TRIO: variants seen among roughly 807,000 people sequenced by gnomAD.
TRIO encodes the protein triple functional domain protein.
A neutral mutation model predicts 351.9 loss-of-function variants in TRIO; 58 were observed. The ratio of observed to expected loss-of-function variants is 0.16; its 90% CI spans 0.13 to 0.21. The LOEUF is 0.21. TRIO is among the 10% of genes least tolerant of loss of function. The pLI, the probability that TRIO is intolerant of heterozygous loss-of-function variation, is 1.00. For synonymous variants in TRIO, 1,758 were observed against 1,595.7 expected, an observed-to-expected ratio of 1.10 and a Z score of -2.42; for missense variants, 3,201 against 4,027.8, an observed-to-expected ratio of 0.79 and a Z score of 5.56.
intron 2 of TRIO, among the ~76,000 whole-genome samples, chr5:14,277,363 T>C (rs1400293914): frequency 2.6e-5 from 4 of 152,344 alleles, no homozygotes; most frequent in Admixed American, 6.5e-5. Context: ...GCTTTTTGAC[T>C]AAGGCAGCAT....
At chr5:14,415,128 C>T (rs1031900202) in intron 33 of TRIO, among the ~76,000 whole-genome samples, 16 of 152,134 alleles carry the variant, frequency 1.1e-4, no homozygotes, top group South Asian at 2.1e-4. Flanking sequence ...TGACGGTTCA[C>T]GGGAGTTAAT....
At chr5:14,492,534 T>C in intron 48 of TRIO, 33 bp from the exon 49 acceptor site, 1 of 1,608,058 alleles carries the variant, frequency 6.2e-7, no homozygotes. Flanking sequence ...AGTTCCTCCC[T>C]GCCTTTCTCT....
At chr5:14,485,337 T>C in intron 47 of TRIO, 91 bp downstream of exon 47, 1 of 1,382,596 alleles carries the variant, frequency 7.2e-7, no homozygotes, top group Non-Finnish European at 9.7e-7. Context: ...TCCATAGTAA[T>C]GACAGAACTT....
intron 34 of TRIO, among the ~76,000 whole-genome samples, chr5:14,458,089 C>T (rs1367216077): frequency 1.3e-5 from 2 of 150,538 alleles, no homozygotes; most frequent in African/African-American, 4.9e-5. Context: ...CACAGCAGAG[C>T]TCCGTGGTGA....
Position 14,356,641 on chromosome 5 carries a change from A to T in TRIO, c.2047-1537A>T, listed in dbSNP as rs72748203. Among the ~76,000 whole-genome samples, 823 of 152,330 alleles carry T rather than the reference A, an allele frequency of 5.4e-3. 3 individuals are homozygous for T. Among genetic ancestry groups the T allele is most frequent in the Middle Eastern group, 0.014 (4 of 294 alleles). On this transcript the variant is annotated intron_variant, in intron 11 of 56. Transcript: ENST00000344204. ...CTAGGTATTTATCTAAAAGGAAGGA[A>T]ATCATAAGTTCATACAGAGGTTGTG...
chr5:14,249,499 A>C (rs1794620817), intron 1 of TRIO, among the ~76,000 whole-genome samples: 1 of 152,218 alleles, frequency 6.6e-6, no homozygotes, highest in African/African-American at 2.4e-5. Flanking sequence ...CATGTGGTTC[A>C]GGCTTCATTT....
chr5:14,335,506 A>G (rs1200921169), intron 10 of TRIO, among the ~76,000 whole-genome samples: 3 of 152,154 alleles, frequency 2.0e-5, no homozygotes, highest in Non-Finnish European at 4.4e-5. Flanking sequence ...GCTTCCTGTA[A>G]CAGCATCAGG....
rs372355286 is a variant in TRIO, at chr5:14,431,742, T to A, written c.5203+11721T>A. Among the ~76,000 whole-genome samples, 17 of 152,160 alleles carry A rather than the reference T, an allele frequency of 1.1e-4. No individual in the cohort carries two copies. In the East Asian group the frequency reaches 2.7e-3, roughly 24 times the overall value. On this transcript the variant is annotated intron_variant, in intron 34 of 56. Transcript: ENST00000344204. Reference sequence around the variant, plus strand: ...TAGCAAAATCCCAGAGCCTGGGGGATTAAACAACAGACATTTATTCTCTCA... The same window carrying A: ...TAGCAAAATCCCAGAGCCTGGGGGAATAAACAACAGACATTTATTCTCTCA...
chr5:14,318,020 G>A (rs1441554939), intron 9 of TRIO, among the ~76,000 whole-genome samples: 1 of 152,034 alleles, frequency 6.6e-6, no homozygotes, highest in African/African-American at 2.4e-5. Context: ...CCAGCTATTT[G>A]GAAGGCTGAG....
chr5:14,328,235 T>C (rs1740573897), intron 9 of TRIO, among the ~76,000 whole-genome samples: 1 of 152,176 alleles, frequency 6.6e-6, no homozygotes, highest in Non-Finnish European at 1.5e-5. Flanking sequence ...GTGCACTCAA[T>C]ACGTTAAAAC....
intron 1 of TRIO, among the ~76,000 whole-genome samples, chr5:14,236,004 T>C (rs1055662627): frequency 2.0e-5 from 3 of 151,804 alleles, no homozygotes; most frequent in Admixed American, 6.6e-5. Context: ...ATAAAACTTA[T>C]AATTGTAGAT....
intron 53 of TRIO, 94 bp from the exon 54 acceptor site, chr5:14,502,485 C>T (rs748231946): frequency 9.3e-6 from 12 of 1,288,770 alleles, no homozygotes; most frequent in African/African-American, 5.8e-5. Flanking sequence ...GGTGGCCACG[C>T]GCAGCTGCTG....
At chr5:14,293,544 A>T (rs1270381322) in intron 6 of TRIO, among the ~76,000 whole-genome samples, 1 of 152,130 alleles carries the variant, frequency 6.6e-6, no homozygotes, top group African/African-American at 2.4e-5. Context: ...CCTGCTGCTG[A>T]CCTCAGGGCA....
At chr5:14,434,354 C>A (rs1213235091) in intron 34 of TRIO, among the ~76,000 whole-genome samples, 1 of 152,076 alleles carries the variant, frequency 6.6e-6, no homozygotes, top group Non-Finnish European at 1.5e-5. Flanking sequence ...CCTTTATTTA[C>A]AGATCTTTAA....
intron 46 of TRIO, among the ~76,000 whole-genome samples, chr5:14,483,796 A>T (rs575545258): frequency 6.6e-6 from 1 of 151,968 alleles, no homozygotes; most frequent in South Asian, 2.1e-4. Flanking sequence ...GAGGCCCCTC[A>T]CCCTGAGGCC....
At chr5:14,162,652 G>A (rs1788539315) in intron 1 of TRIO, among the ~76,000 whole-genome samples, 1 of 152,140 alleles carries the variant, frequency 6.6e-6, no homozygotes, top group Non-Finnish European at 1.5e-5. Flanking sequence ...GATAGCACTG[G>A]TCAGGGATCA....
At chr5:14,163,111 T>C (rs991237780) in intron 1 of TRIO, among the ~76,000 whole-genome samples, 1 of 152,248 alleles carries the variant, frequency 6.6e-6, no homozygotes, top group African/African-American at 2.4e-5. Context: ...ACTCATCGTC[T>C]AGGTTTTAAG....
chr5:14,182,869 CCCCT>C (rs965158066), intron 1 of TRIO, among the ~76,000 whole-genome samples: 3 of 66,944 alleles, frequency 4.5e-5, no homozygotes, highest in Admixed American at 1.3e-4. Context: ...GAGACCCCCC[CCCCT>C]CCACTTTGCC....
At chr5:14,428,919 C>T (rs1386982422) in intron 34 of TRIO, among the ~76,000 whole-genome samples, 1 of 152,162 alleles carries the variant, frequency 6.6e-6, no homozygotes, top group African/African-American at 2.4e-5. Context: ...GGTACCAGGC[C>T]GCCACGTCCT....
Sources: gnomAD v4.1 joint callset for allele counts (sites outside exome capture counted in the v4.1 genomes callset) on GRCh38, gnomAD v4.1.1 for gene constraint, MANE v1.5 for transcripts, NCBI Gene and HGNC (gene_info 2026-07-23, HGNC 2026-07-21) for gene names.